MKLN1: variants seen among roughly 807,000 people sequenced by gnomAD.
MKLN1 encodes the protein muskelin.
Under a neutral mutation model 99.0 loss-of-function variants are expected in MKLN1, and 18 were observed. The observed-to-expected ratio is 0.18, with a 90% CI of 0.13 to 0.27. MKLN1 has a LOEUF of 0.27. MKLN1 is among the 10% of genes least tolerant of loss of function. The pLI is 1.00. For missense variants in MKLN1, 621 were observed against 875.9 expected (o/e 0.71, Z 3.67); for synonymous variants, 288 against 293.2 (o/e 0.98, Z 0.18).
intron 3 of MKLN1, among the ~76,000 whole-genome samples, chr7:131,219,246 T>C (rs978741589): frequency 5.4e-5 from 7 of 130,268 alleles, no homozygotes; most frequent in Admixed American, 1.5e-4. Flanking sequence ...AAAAAAAAAA[T>C]AGTGTTAGCA....
chr7:131,337,909 C>CAA (rs1799296852), intron 1 of MKLN1, among the ~76,000 whole-genome samples: 1 of 151,966 alleles, frequency 6.6e-6, no homozygotes, highest in Admixed American at 6.6e-5. Context: ...TGATACATTT[C>CAA]CCCAGATAGG....
At chr7:131,464,685 A>G (rs1408424459) in intron 14 of MKLN1, among the ~76,000 whole-genome samples, 3 of 152,158 alleles carry the variant, frequency 2.0e-5, no homozygotes, top group East Asian at 1.9e-4. Context: ...GACATAGCCT[A>G]TTGTTTCTAC....
intron 3 of MKLN1, among the ~76,000 whole-genome samples, chr7:131,322,112 C>T (rs1798789362): frequency 6.6e-6 from 1 of 152,214 alleles, no homozygotes; most frequent in Non-Finnish European, 1.5e-5. Context: ...CAAATCCTAG[C>T]CATTATACCA....
intron 3 of MKLN1, among the ~76,000 whole-genome samples, chr7:131,245,689 G>A (rs1374511095): frequency 1.3e-5 from 2 of 152,206 alleles, no homozygotes; most frequent in Admixed American, 1.3e-4. Flanking sequence ...TGTCATACAG[G>A]TTTGAAGCCT....
intron 3 of MKLN1, among the ~76,000 whole-genome samples, chr7:131,255,847 C>T (rs1404590146): frequency 1.3e-5 from 2 of 151,646 alleles, no homozygotes; most frequent in African/African-American, 4.9e-5. Flanking sequence ...TCCCAAAGTG[C>T]TGGGATTACA....
At chr7:131,473,181 C>A (rs534907889) in intron 16 of MKLN1, among the ~76,000 whole-genome samples, 3 of 152,042 alleles carry the variant, frequency 2.0e-5, no homozygotes, top group Non-Finnish European at 4.4e-5. Flanking sequence ...TGTATACTCA[C>A]GATATTTGTC....
At chr7:131,229,697 A>G (rs574429238) in intron 3 of MKLN1, among the ~76,000 whole-genome samples, 2 of 152,202 alleles carry the variant, frequency 1.3e-5, no homozygotes, top group East Asian at 3.9e-4. Flanking sequence ...CTGGGACCAC[A>G]AGCCCACGCC....
At chr7:131,458,906 A>G (rs1796428049) in intron 12 of MKLN1, among the ~76,000 whole-genome samples, 1 of 152,178 alleles carries the variant, frequency 6.6e-6, no homozygotes, top group African/African-American at 2.4e-5. Flanking sequence ...AAGAGTTGTG[A>G]TACTTTTCCT....
chr7:131,280,981 C>T (rs1031113440), intron 3 of MKLN1, among the ~76,000 whole-genome samples: 1 of 152,116 alleles, frequency 6.6e-6, no homozygotes, highest in Non-Finnish European at 1.5e-5. Flanking sequence ...AAGATTTTTT[C>T]CTGTCCTGTG....
rs142100333 is a variant in MKLN1 at position 131,452,838 on chromosome 7, T to C, written c.1525+6935T>C. Among the ~76,000 whole-genome samples the C allele has an allele frequency of 1.3e-3, 192 of 152,272 alleles. 1 individual carries two copies. Among genetic ancestry groups the C allele is most frequent in the Non-Finnish European group, 2.0e-3 (138 of 67,998 alleles). ...TGCTGGGATTACAGGCGTGAGCCAC[T>C]GCACCCGGCCGATCCTTTTATACTT... is the stretch of plus-strand genomic sequence containing the variant. On this transcript the variant is annotated intron_variant, in intron 12 of 17. Coordinates refer to ENST00000352689, the MANE Select transcript of MKLN1 (RefSeq NM_013255.5).
At chr7:131,112,060 A>G (rs1261877057) in intron 1 of MKLN1, among the ~76,000 whole-genome samples, 1 of 152,270 alleles carries the variant, frequency 6.6e-6, no homozygotes, top group Non-Finnish European at 1.5e-5. Flanking sequence ...TAACAAGGAT[A>G]TTGCAAAGGC....
intron 3 of MKLN1, among the ~76,000 whole-genome samples, chr7:131,285,321 G>A (rs879885440): frequency 7.2e-5 from 11 of 152,234 alleles, no homozygotes; most frequent in Non-Finnish European, 1.5e-4. Flanking sequence ...CCCATTCAAG[G>A]AGTGTTTGCC....
intron 17 of MKLN1, among the ~76,000 whole-genome samples, chr7:131,485,307 A>G (rs1287542508): frequency 2.6e-5 from 4 of 152,098 alleles, no homozygotes; most frequent in African/African-American, 7.2e-5. Context: ...AGTGATGCGA[A>G]CAAATAAGTA....
At chr7:131,123,017 C>T (rs1795398462) in intron 1 of MKLN1, among the ~76,000 whole-genome samples, 1 of 64,972 alleles carries the variant, frequency 1.5e-5, no homozygotes, top group Non-Finnish European at 2.6e-5. Flanking sequence ...AGCGAGACTC[C>T]GTCTCAAAAA....
intron 1 of MKLN1, among the ~76,000 whole-genome samples, chr7:131,372,219 A>G (rs773985946): frequency 3.9e-5 from 6 of 152,032 alleles, no homozygotes; most frequent in South Asian, 2.1e-4. Context: ...TATAACATGT[A>G]TATCAGTGTG....
upstream of MKLN1, among the ~76,000 whole-genome samples, chr7:131,325,714 AC>A (rs1238836010): frequency 8.3e-5 from 12 of 144,724 alleles, no homozygotes; most frequent in South Asian, 4.5e-4. Flanking sequence ...AAAAAAAAAA[AC>A]CAAAAAAATT....
At chr7:131,233,793 C>T (rs1244903889) in intron 3 of MKLN1, among the ~76,000 whole-genome samples, 1 of 151,956 alleles carries the variant, frequency 6.6e-6, no homozygotes, top group Non-Finnish European at 1.5e-5. Context: ...ATCAAATATC[C>T]TTTAGCTTCT....
Position 131,445,779 on chromosome 7 carries a change from T to A in MKLN1, c.1401T>A (p.Asn467Lys). ...IGHCMLFHSK[N>K]RCLYVFGGQR... ...TTTTTTTTCTTCTTTTTCAGAAAAA[T>A]CGTTGCTTATATGTATTTGGTGGCC... Residue 467 changes from asparagine to lysine, a missense_variant, in exon 12 of 18, where the codon AAT becomes AAA. Coordinates refer to ENST00000352689, the MANE Select transcript of MKLN1 (RefSeq NM_013255.5). 1 of 1,585,218 alleles carries A rather than the reference T, an allele frequency of 6.3e-7. No individual in the cohort carries two copies. Among genetic ancestry groups the A allele is most frequent in the Admixed American group, 1.8e-5 (1 of 54,958 alleles).
At chr7:131,277,536 G>A (rs538260469) in intron 3 of MKLN1, among the ~76,000 whole-genome samples, 5 of 151,890 alleles carry the variant, frequency 3.3e-5, no homozygotes, top group African/African-American at 7.2e-5. Context: ...CACCTGCCTC[G>A]GCCTCCCAAA....
Sources: gnomAD v4.1 joint callset for allele counts (sites outside exome capture counted in the v4.1 genomes callset) on GRCh38, gnomAD v4.1.1 for gene constraint, MANE v1.5 for transcripts, NCBI Gene and HGNC (gene_info 2026-07-23, HGNC 2026-07-21) for gene names.